Variants in TAMM41 observed in about 807,000 individuals in gnomAD.
TAMM41 encodes TAM41 mitochondrial translocator assembly and maintenance homolog.
A neutral mutation model predicts 44.1 loss-of-function variants in TAMM41; 36 were observed. That is an observed-to-expected ratio of 0.82 (90% confidence interval 0.63 to 1.08). The LOEUF (loss-of-function observed/expected upper bound fraction) is 1.08. TAMM41 is among the 50% of genes least tolerant of loss of function. TAMM41 has a pLI of 0.00. For missense variants in TAMM41, 417 were observed against 404.3 expected, an observed-to-expected ratio of 1.03 and a Z score of -0.27; for synonymous variants, 164 against 153.1, an observed-to-expected ratio of 1.07 and a Z score of -0.53.
At chr3:11,726,698 G>A in the TAMM41 span, among the ~76,000 whole-genome samples, 14 of 151,876 alleles carry the variant, frequency 9.2e-5, no homozygotes, top group Non-Finnish European at 1.9e-4. Context: ...AGCTACTTGG[G>A]AGGCTGAGGC....
chr3:11,812,803 G>A (rs1440711392), intron 5 of TAMM41, among the ~76,000 whole-genome samples: 2 of 152,160 alleles, frequency 1.3e-5, no homozygotes, highest in Non-Finnish European at 2.9e-5. Flanking sequence ...GTGGACAAGT[G>A]CGGTAGCCAG....
At chr3:11,818,532 G>A (rs2078376523) in intron 4 of TAMM41, among the ~76,000 whole-genome samples, 1 of 152,124 alleles carries the variant, frequency 6.6e-6, no homozygotes, top group African/African-American at 2.4e-5. Flanking sequence ...AATATGCTAG[G>A]TTTTAAGCTT....
intron 5 of TAMM41, chr3:11,811,461 C>T: frequency 6.6e-6 from 1 of 152,206 alleles, no homozygotes; most frequent in East Asian, 1.9e-4. Flanking sequence ...TTATCTGCCA[C>T]TGCTTTCTCT....
chr3:11,773,176 C>T, the TAMM41 span, among the ~76,000 whole-genome samples: 1 of 152,198 alleles, frequency 6.6e-6, no homozygotes, highest in Non-Finnish European at 1.5e-5. Context: ...AGGCTGGTCT[C>T]AAACTCCTAA....
chr3:11,775,844 G>A, the TAMM41 span, among the ~76,000 whole-genome samples: 52 of 152,158 alleles, frequency 3.4e-4, no homozygotes, highest in African/African-American at 1.2e-3. Flanking sequence ...TTATAATACC[G>A]TATTCTTACT....
At chr3:11,760,512 T>A in the TAMM41 span, among the ~76,000 whole-genome samples, 2,173 of 152,312 alleles carry the variant, frequency 0.014, 54 homozygotes, top group African/African-American at 0.049. Flanking sequence ...CTATTCCTTC[T>A]TCTATTCCTT....
At chr3:11,725,841 T>G in the TAMM41 span, among the ~76,000 whole-genome samples, 2 of 152,108 alleles carry the variant, frequency 1.3e-5, no homozygotes, top group Non-Finnish European at 2.9e-5. Flanking sequence ...AGTCCAGTGA[T>G]GAGAAACATG....
intron 7 of TAMM41, among the ~76,000 whole-genome samples, chr3:11,793,664 C>T (rs1349975693): frequency 6.6e-6 from 1 of 152,160 alleles, no homozygotes. Context: ...AGAAATGAAC[C>T]ACTGCTACTC....
At chr3:11,739,602 G>A in the TAMM41 span, among the ~76,000 whole-genome samples, 6 of 149,316 alleles carry the variant, frequency 4.0e-5, no homozygotes, top group Non-Finnish European at 8.9e-5. Context: ...GACCCGGGAG[G>A]TGGAGGTTGC....
At chr3:11,788,223 T>C (rs1267778877), downstream of TAMM41, among the ~76,000 whole-genome samples, 1 of 152,220 alleles carries the variant, frequency 6.6e-6, no homozygotes, top group Non-Finnish European at 1.5e-5. Context: ...TAAAAAGCTC[T>C]ATCAGATACA....
At chr3:11,830,485 G>T (rs529732356) in intron 3 of TAMM41, among the ~76,000 whole-genome samples, 2 of 152,280 alleles carry the variant, frequency 1.3e-5, no homozygotes, top group South Asian at 2.1e-4. Flanking sequence ...TAAATGTAAA[G>T]TGCCTAGAAT....
At chr3:11,777,271 C>T in the TAMM41 span, among the ~76,000 whole-genome samples, 1 of 152,084 alleles carries the variant, frequency 6.6e-6, no homozygotes, top group Non-Finnish European at 1.5e-5. Context: ...GTCAACTATA[C>T]TTCAATAAAG....
chr3:11,846,413 C>A (rs549331226), intron 1 of TAMM41, 89 bp downstream of exon 1: 23 of 1,457,714 alleles, frequency 1.6e-5, no homozygotes, highest in Non-Finnish European at 2.1e-5. Context: ...GCAGAGCGGA[C>A]AGGCAGCTCT....
the TAMM41 span, among the ~76,000 whole-genome samples, chr3:11,744,141 C>T: frequency 1.3e-5 from 2 of 150,578 alleles, no homozygotes; most frequent in Admixed American, 6.6e-5. Context: ...GATCTCGGCT[C>T]ACTGCAACCT....
the TAMM41 span, among the ~76,000 whole-genome samples, chr3:11,752,625 C>CTTTTTTTTT: frequency 2.1e-3 from 84 of 39,950 alleles, 24 homozygotes; most frequent in South Asian, 3.5e-3. Context: ...TCTTACAAAG[C>CTTTTTTTTT]TTTTTTTTTT....
chr3:11,775,751 G>A, the TAMM41 span, among the ~76,000 whole-genome samples: 1 of 152,166 alleles, frequency 6.6e-6, no homozygotes, highest in Non-Finnish European at 1.5e-5. Context: ...CGTGGGGTGT[G>A]TTTATGTATA....
At position 11,828,177 on chromosome 3, in the gene TAMM41, C is replaced by G. The variant is rs73813059; in HGVS notation, c.562+1537G>C. Among the ~76,000 whole-genome samples the G allele has an allele frequency of 3.4e-3, 524 of 152,286 alleles. 1 individual carries two copies. Among genetic ancestry groups the G allele is most frequent in the Middle Eastern group, 0.024 (7 of 294 alleles). On this transcript the variant is annotated intron_variant, in intron 4 of 7. Coordinates refer to ENST00000455809, the MANE Select transcript of TAMM41 (RefSeq NM_001284401.2). ...CAGGAGGAAAATGTGCCTTTCAACA[C>G]TTTGCCTGGGGTAGGTCTCATACCT...
At chr3:11,775,014 C>T in the TAMM41 span, among the ~76,000 whole-genome samples, 1 of 151,962 alleles carries the variant, frequency 6.6e-6, no homozygotes, top group Non-Finnish European at 1.5e-5. Context: ...GGATTACAGG[C>T]GGCTGCCACC....
downstream of TAMM41, among the ~76,000 whole-genome samples, chr3:11,788,383 C>G (rs1389903536): frequency 2.0e-5 from 3 of 152,196 alleles, no homozygotes; most frequent in Non-Finnish European, 4.4e-5. Context: ...CAGCCTTGAC[C>G]TCCTGGGCTC....
Sources: allele counts gnomAD v4.1 joint callset (sites outside exome capture counted in the v4.1 genomes callset), GRCh38; gene constraint gnomAD v4.1.1; transcripts MANE v1.5; gene names NCBI Gene and HGNC (gene_info 2026-07-23, HGNC 2026-07-21).